TLL1: variants seen among roughly 807,000 people sequenced by gnomAD.
TLL1 encodes tolloid like 1.
Under a neutral mutation model 128.2 loss-of-function variants are expected in TLL1, and 49 were observed. The observed-to-expected ratio is 0.38, with a 90% CI of 0.30 to 0.48. The LOEUF (loss-of-function observed/expected upper bound fraction) is 0.48. Ranked by LOEUF, TLL1 falls within the 20% of genes least tolerant of loss-of-function variation. The probability of loss-of-function intolerance (pLI) is 0.96; values close to 1 mark genes in which losing one functional copy is unlikely to be tolerated. For synonymous variants in TLL1, 454 were observed against 418.8 expected, an observed-to-expected ratio of 1.08 and a Z score of -1.03; for missense variants, 1,123 against 1,242.0, an observed-to-expected ratio of 0.90 and a Z score of 1.44.
chr4:166,054,058 T>C (rs1261123460), intron 12 of TLL1, among the ~76,000 whole-genome samples: 1 of 152,148 alleles, frequency 6.6e-6, no homozygotes, highest in Non-Finnish European at 1.5e-5. Context: ...TAAAGTGTCA[T>C]AGGCCAATAG....
intron 1 of TLL1, among the ~76,000 whole-genome samples, chr4:165,937,703 C>T (rs1733824912): frequency 2.0e-5 from 3 of 151,994 alleles, no homozygotes; most frequent in African/African-American, 7.2e-5. Flanking sequence ...TTAAGAAGGA[C>T]TAATAGCAAC....
At chr4:166,060,222 T>C in intron 15 of TLL1, 34 bp downstream of exon 15, 1 of 1,609,950 alleles carries the variant, frequency 6.2e-7, no homozygotes, top group South Asian at 1.1e-5. Flanking sequence ...TTTTAAATCA[T>C]GTTTTGGAAC....
At chr4:166,071,887 T>C (rs1469028476) in intron 16 of TLL1, among the ~76,000 whole-genome samples, 1 of 151,992 alleles carries the variant, frequency 6.6e-6, no homozygotes, top group Non-Finnish European at 1.5e-5. Context: ...TTCAAACAAG[T>C]GGTTTTAAAA....
intron 1 of TLL1, among the ~76,000 whole-genome samples, chr4:165,891,724 T>C (rs534702674): frequency 3.3e-5 from 5 of 152,204 alleles, no homozygotes; most frequent in Admixed American, 6.5e-5. Flanking sequence ...AACGAGTCTC[T>C]AGGAAGTTCC....
chr4:166,066,883 G>C (rs1044478619), intron 16 of TLL1, among the ~76,000 whole-genome samples: 3 of 151,660 alleles, frequency 2.0e-5, no homozygotes, highest in African/African-American at 7.3e-5. Flanking sequence ...TCAAAGTATA[G>C]TTTTAATATT....
chr4:166,055,023 A>G (rs897337450), intron 12 of TLL1, 53 bp from the exon 13 acceptor site: 2 of 1,473,706 alleles, frequency 1.4e-6, no homozygotes, highest in African/African-American at 1.4e-5. Flanking sequence ...ATCCTCCTAT[A>G]TAAAATGTTT....
intron 1 of TLL1, among the ~76,000 whole-genome samples, chr4:165,898,105 C>A (rs1731773971): frequency 6.6e-6 from 1 of 152,140 alleles, no homozygotes; most frequent in South Asian, 2.1e-4. Flanking sequence ...GCTGAAGTTG[C>A]TTATCAGCTT....
chr4:166,044,744 G>C (rs376941560), intron 12 of TLL1, among the ~76,000 whole-genome samples: 1 of 152,032 alleles, frequency 6.6e-6, no homozygotes, highest in African/African-American at 2.4e-5. Context: ...CAAAAAAAAG[G>C]CTCATAAAAA....
At chr4:165,934,548 C>A (rs924871793) in intron 1 of TLL1, among the ~76,000 whole-genome samples, 3 of 152,246 alleles carry the variant, frequency 2.0e-5, no homozygotes, top group Admixed American at 2.0e-4. Flanking sequence ...AGACACAAGA[C>A]CTGACATCCC....
At chr4:165,891,214 G>T (rs1167846718) in intron 1 of TLL1, among the ~76,000 whole-genome samples, 1 of 152,286 alleles carries the variant, frequency 6.6e-6, no homozygotes, top group East Asian at 1.9e-4. Context: ...GATGGGAGGG[G>T]CTGCCATGAA....
chr4:166,019,623 T>C (rs1463999108), intron 8 of TLL1, among the ~76,000 whole-genome samples: 1 of 152,030 alleles, frequency 6.6e-6, no homozygotes, highest in African/African-American at 2.4e-5. Context: ...TACAAGACTA[T>C]GGGTTTTATG....
In TLL1 at chr4:166,080,747, C is replaced by A. The variant is rs1741251082; in HGVS notation, c.2442+2717C>A. 2.0e-5 allele frequency among the ~76,000 whole-genome samples: 3 copies of A among 152,132 alleles called. 1 individual carries two copies. The highest frequency in any genetic ancestry group is 6.6e-5 in the Admixed American group (1 of 15,252). On this transcript the variant is annotated intron_variant, in intron 18 of 20. Coordinates refer to ENST00000061240, the MANE Select transcript of TLL1 (RefSeq NM_012464.5). ...AGGAATTAAGCCAAGATTGGGTTTTCTTGCCCTATTATTATCTTCATTGCA... is the reference window on the plus strand; with the variant it reads ...AGGAATTAAGCCAAGATTGGGTTTTATTGCCCTATTATTATCTTCATTGCA...
chr4:166,057,122 A>G lies in TLL1; in HGVS notation c.1721-62A>G, dbSNP rs1206434990. 8.7e-6 allele frequency: 14 copies of G among 1,602,568 alleles called. No individual in the cohort carries two copies. The East Asian group carries it at 2.5e-4, about 28-fold the overall frequency. On this transcript the variant is annotated intron_variant, in intron 13 of 20. Coordinates refer to ENST00000061240, the MANE Select transcript of TLL1 (RefSeq NM_012464.5). ...ATTTGGGTGGGGACACAGCCAAACC[A>G]TTTCACATACATACACACATATATA...
chr4:166,065,878 A>C lies in TLL1; in HGVS notation c.2188+15A>C, dbSNP rs753665376. 1 of 1,584,746 alleles carries C rather than the reference A, an allele frequency of 6.3e-7. No individual in the cohort carries two copies. Among genetic ancestry groups the C allele is most frequent in the South Asian group, 1.1e-5 (1 of 89,944 alleles). Reference sequence around the variant, plus strand: ...TTTTTTCTCAGGTATAAGCATTCACATGTTGTATGTGTATATTACAGATTT... The same window carrying C: ...TTTTTTCTCAGGTATAAGCATTCACCTGTTGTATGTGTATATTACAGATTT... On this transcript the variant is annotated intron_variant, in intron 16 of 20. Transcript: ENST00000061240.
At chr4:165,967,131 G>C (rs765580026) in intron 1 of TLL1, among the ~76,000 whole-genome samples, 1 of 152,144 alleles carries the variant, frequency 6.6e-6, no homozygotes, top group Non-Finnish European at 1.5e-5. Flanking sequence ...TCTCCTATTC[G>C]CTTTTGTAAG....
Position 166,091,129 on chromosome 4 carries a change from C to T in TLL1, c.2444C>T (p.Ala815Val), listed in dbSNP as rs200047769. 7.8e-5 allele frequency: 126 copies of T among 1,610,320 alleles called. No homozygotes were observed. The highest frequency in any genetic ancestry group is 8.6e-5 in the Non-Finnish European group (101 of 1,178,136). ...AATTATTTCTTCTTTTTAAAAAAGGCCTTTAGTGAATTTGAGATTGAGCAG... is the reference window on the plus strand; with the variant it reads ...AATTATTTCTTCTTTTTAAAAAAGGTCTTTAGTGAATTTGAGATTGAGCAG... ...SATPGHRIKL[A>V]FSEFEIEQHQ... Residue 815 changes from alanine (A) to valine (V), a missense_variant and splice_region_variant, in exon 19 of 21, where the codon GCC becomes GTC. This residue lies in a region of TLL1 where 634 missense variants were observed against 672.4 expected (regional missense o/e 0.94). Transcript: ENST00000061240.
chr4:165,878,135 A>T (rs1048865726), intron 1 of TLL1, among the ~76,000 whole-genome samples: 1 of 152,098 alleles, frequency 6.6e-6, no homozygotes, highest in African/African-American at 2.4e-5. Context: ...TCTAGGTAAC[A>T]TTGCCTCATT....
At chr4:165,902,286 G>A (rs927573985) in intron 1 of TLL1, among the ~76,000 whole-genome samples, 1 of 141,798 alleles carries the variant, frequency 7.1e-6, no homozygotes, top group South Asian at 2.5e-4. Context: ...GGTGCCACCA[G>A]GTTATGAAAA....
Position 166,043,342 on chromosome 4 carries a change from C to A in TLL1, c.1447C>A (p.Arg483Ser). The change falls in exon 12 of 21, where the codon CGC (arginine) becomes AGC (serine). Residue 483 changes from arginine (R) to serine (S), a missense_variant. Physicochemically the swap from Arg to Ser is moderately radical, Grantham distance 110 (BLOSUM62 -1). Around this residue, in one of 3 missense-constraint regions of TLL1, gnomAD observed 634 missense variants for 672.4 expected, o/e 0.94. Transcript: ENST00000061240. ...IQSPNYPDDYRPMKECVWKIT... is the reference protein window; with the variant it reads ...IQSPNYPDDYSPMKECVWKIT... ...GTCTCCCAATTATCCTGATGACTAT[C>A]GCCCGATGAAAGAATGTGTGTGGAA... The A allele has an allele frequency of 6.2e-7, 1 of 1,614,126 alleles. No homozygotes were observed. The highest frequency in any genetic ancestry group is 8.5e-7 in the Non-Finnish European group (1 of 1,179,996).
Sources: gnomAD v4.1 joint callset for allele counts (sites outside exome capture counted in the v4.1 genomes callset) on GRCh38, gnomAD v4.1.1 for gene constraint, gnomAD v4.1.1 regional missense constraint, MANE v1.5 for transcripts, NCBI Gene and HGNC (gene_info 2026-07-23, HGNC 2026-07-21) for gene names.